Variants in PDS5A observed in about 807,000 individuals in gnomAD.
PDS5A encodes PDS5 cohesin associated factor A.
Under a neutral mutation model 167.1 loss-of-function variants are expected in PDS5A, and 42 were observed. That is an observed-to-expected ratio of 0.25 (90% CI 0.20 to 0.33). The LOEUF (loss-of-function observed/expected upper bound fraction) is 0.33. Among genes scored for constraint, PDS5A ranks in the 10% least tolerant of loss-of-function variants. The pLI is 1.00. For synonymous variants in PDS5A, 553 were observed against 554.6 expected (o/e 1.00, Z 0.04); for missense variants, 1,033 against 1,605.9 (o/e 0.64, Z 6.10).
At chr4:39,965,167 T>C (rs1729862083) in intron 2 of PDS5A, among the ~76,000 whole-genome samples, 1 of 152,092 alleles carries the variant, frequency 6.6e-6, no homozygotes, top group East Asian at 1.9e-4. Context: ...ATAATGCCAT[T>C]TCTGGACCAA....
intron 2 of PDS5A, among the ~76,000 whole-genome samples, chr4:39,935,898 C>T (rs1264138235): frequency 1.3e-5 from 2 of 152,186 alleles, no homozygotes; most frequent in African/African-American, 4.8e-5. Context: ...GAAAACATTT[C>T]ACACAAATAC....
At chr4:39,935,515 ATTTCTAGAAAAGACTATTC>A (rs1726511970) in intron 2 of PDS5A, among the ~76,000 whole-genome samples, 1 of 152,188 alleles carries the variant, frequency 6.6e-6, no homozygotes, top group African/African-American at 2.4e-5. Flanking sequence ...TTCAAGCCTC[ATTTCTAGAAAAGACTATTC>A]TTTCTCTTTT....
rs370474011 is a variant in PDS5A, at chr4:39,852,575, C to A, written c.3087-2923G>T. ...CCCCACCCCAAGAATGCTTGCCTTG[C>A]ATTCCCCTAAAAGTTATAACTGCTC... On this transcript the variant is annotated intron_variant, in intron 26 of 32. Coordinates refer to ENST00000303538, the MANE Select transcript of PDS5A (RefSeq NM_001100399.2). 2.6e-5 allele frequency among the ~76,000 whole-genome samples: 4 copies of A among 152,278 alleles called. No individual in the cohort carries two copies. In the East Asian group the frequency reaches 5.8e-4, roughly 22 times the overall value.
At chr4:39,903,584 G>C (rs537307737) in intron 12 of PDS5A, among the ~76,000 whole-genome samples, 1 of 152,274 alleles carries the variant, frequency 6.6e-6, no homozygotes, top group East Asian at 1.9e-4. Flanking sequence ...AAAGTAACTA[G>C]CAGTTAACTC....
At chr4:39,897,953 G>A (rs1490809700) in intron 16 of PDS5A, 5 of 756,514 alleles carry the variant, frequency 6.6e-6, no homozygotes, top group Non-Finnish European at 8.1e-6. Context: ...GAGTTCAAGA[G>A]AAGAATGAAG....
chr4:39,873,213 A>G, intron 20 of PDS5A, 69 bp from the exon 21 acceptor site: 1 of 960,952 alleles, frequency 1.0e-6, no homozygotes, highest in Non-Finnish European at 1.4e-6. Flanking sequence ...CTGAAACAGT[A>G]CATTTTCCTG....
intron 28 of PDS5A, chr4:39,848,470 T>C (rs995769589): frequency 4.9e-6 from 1 of 204,774 alleles, no homozygotes; most frequent in Non-Finnish European, 9.9e-6. Flanking sequence ...ATTATTAACA[T>C]CTGCATTATA....
chr4:39,921,965 AG>A (rs1376062379), intron 6 of PDS5A, among the ~76,000 whole-genome samples: 2 of 152,246 alleles, frequency 1.3e-5, no homozygotes, highest in African/African-American at 2.4e-5. Flanking sequence ...ATAATTGGAC[AG>A]ATTTTTCCTC....
chr4:39,947,169 C>T (rs1727854446), intron 2 of PDS5A, among the ~76,000 whole-genome samples: 1 of 151,936 alleles, frequency 6.6e-6, no homozygotes, highest in African/African-American at 2.4e-5. Flanking sequence ...ATTAAACAAA[C>T]ATGACCAGGC....
rs776087249 is a variant in PDS5A at position 39,838,024 on chromosome 4, T to C, written c.3842A>G (p.Asn1281Ser). Residue 1281 changes from asparagine to serine, a missense_variant, in exon 32 of 33, where the codon AAT becomes AGT. Asn to Ser is a conservative substitution (Grantham distance 46). Coordinates refer to ENST00000303538, the MANE Select transcript of PDS5A (RefSeq NM_001100399.2). ...ATTTAGATCATCATTTTTGGTAGCA[T>C]TGCCCTGAGATTCAGACTTGGGTCG... Reference protein sequence around the residue: ...GRRPKSESQGNATKNDDLNKP... With the variant: ...GRRPKSESQGSATKNDDLNKP... 6.2e-6 allele frequency: 10 copies of C among 1,614,052 alleles called. No homozygotes were observed. Among genetic ancestry groups the C allele is most frequent in the African/African-American group, 1.3e-5 (1 of 75,058 alleles).
chr4:39,950,059 C>A (rs1728201884), intron 2 of PDS5A, among the ~76,000 whole-genome samples: 1 of 151,850 alleles, frequency 6.6e-6, no homozygotes, highest in African/African-American at 2.4e-5. Flanking sequence ...GCATGCGCCA[C>A]CACGCTTGGC....
At chr4:39,948,193 A>G (rs1389824114) in intron 2 of PDS5A, among the ~76,000 whole-genome samples, 2 of 142,080 alleles carry the variant, frequency 1.4e-5, no homozygotes, top group Non-Finnish European at 3.0e-5. Context: ...TAGGCAACAC[A>G]GCAAGATATC....
chr4:39,894,216 T>C (rs531369318), intron 16 of PDS5A, among the ~76,000 whole-genome samples: 2 of 152,240 alleles, frequency 1.3e-5, no homozygotes, highest in African/African-American at 4.8e-5. Context: ...AAGACCAGCC[T>C]GGGCAACATG....
chr4:39,946,415 G>C (rs1318851988), intron 2 of PDS5A, among the ~76,000 whole-genome samples: 1 of 151,974 alleles, frequency 6.6e-6, no homozygotes, highest in Non-Finnish European at 1.5e-5. Flanking sequence ...CAGAGAAGCA[G>C]AAGTGGGCAT....
intron 32 of PDS5A, among the ~76,000 whole-genome samples, chr4:39,828,974 C>T (rs1715569717): frequency 6.6e-6 from 1 of 152,120 alleles, no homozygotes; most frequent in Admixed American, 6.5e-5. Context: ...ACAAGGGTGC[C>T]AGGCCTTCTT....
intron 2 of PDS5A, among the ~76,000 whole-genome samples, chr4:39,969,334 T>C (rs12648904): frequency 0.049 from 7,494 of 152,200 alleles, 279 homozygotes; most frequent in East Asian, 0.22. Flanking sequence ...TTCTAAGTAC[T>C]GTACCTATGT....
intron 22 of PDS5A, among the ~76,000 whole-genome samples, chr4:39,867,549 T>TAA (rs11357236): frequency 1.8e-5 from 2 of 111,740 alleles, no homozygotes; most frequent in African/African-American, 3.5e-5. Flanking sequence ...CCGTCTCTAC[T>TAA]AAAAAAAAAA....
chr4:39,882,642 T>C (rs1560451560), intron 17 of PDS5A, among the ~76,000 whole-genome samples: 2 of 152,218 alleles, frequency 1.3e-5, no homozygotes, highest in Non-Finnish European at 1.5e-5. Flanking sequence ...CCAAGTCTTA[T>C]GGTCTACCTG....
chr4:39,828,976 G>A (rs1195113737), intron 32 of PDS5A, among the ~76,000 whole-genome samples: 2 of 152,164 alleles, frequency 1.3e-5, no homozygotes, highest in Non-Finnish European at 2.9e-5. Context: ...AAGGGTGCCA[G>A]GCCTTCTTTA....
Sources: allele counts gnomAD v4.1 joint callset (sites outside exome capture counted in the v4.1 genomes callset), GRCh38; gene constraint gnomAD v4.1.1; transcripts MANE v1.5; gene names NCBI Gene and HGNC (gene_info 2026-07-23, HGNC 2026-07-21).